The following PTPRD variants were observed in gnomAD, a reference collection of about 807,000 sequenced individuals.
PTPRD encodes protein tyrosine phosphatase receptor type D.
PTPRD carries 34 observed loss-of-function variants against 214.5 expected under a neutral mutation model. The observed-to-expected ratio is 0.16, with a 90% confidence interval of 0.12 to 0.21. The LOEUF (loss-of-function observed/expected upper bound fraction) is 0.21. Ranked by LOEUF, PTPRD falls within the 10% of genes least tolerant of loss-of-function variation. PTPRD has a pLI of 1.00. For synonymous variants in PTPRD, 1,128 were observed against 845.7 expected (o/e 1.33, Z -5.79); for missense variants, 2,545 against 2,398.7 (o/e 1.06, Z -1.27).
chr9:9,868,798 A>T (rs574143844), intron 5 of PTPRD, among the ~76,000 whole-genome samples: 1 of 152,098 alleles, frequency 6.6e-6, no homozygotes, highest in African/African-American at 2.4e-5. Flanking sequence ...ACAATAAAGA[A>T]TTTGGCTGTT....
chr9:8,808,469 T>A (rs1487914147), intron 11 of PTPRD, among the ~76,000 whole-genome samples: 14 of 146,926 alleles, frequency 9.5e-5, no homozygotes, highest in African/African-American at 3.1e-4. Context: ...CACCTTTTTT[T>A]TTTTTTTTTT....
At chr9:9,584,520 G>C (rs947085728) in intron 7 of PTPRD, among the ~76,000 whole-genome samples, 20 of 151,728 alleles carry the variant, frequency 1.3e-4, no homozygotes, top group African/African-American at 4.6e-4. Context: ...TTTTGTACCT[G>C]CTTCTCTCTC....
chr9:8,361,543 G>T (rs1243937371), intron 39 of PTPRD, among the ~76,000 whole-genome samples: 1 of 152,148 alleles, frequency 6.6e-6, no homozygotes, highest in Non-Finnish European at 1.5e-5. Flanking sequence ...AGTCGAGAAA[G>T]CAGTAATAAA....
chr9:10,452,753 A>G (rs1204514958), intron 2 of PTPRD, among the ~76,000 whole-genome samples: 1 of 151,720 alleles, frequency 6.6e-6, no homozygotes, highest in African/African-American at 2.4e-5. Flanking sequence ...ATGGTTTGCA[A>G]TTATTTTTTC....
chr9:10,489,982 T>G (rs1016643217), intron 2 of PTPRD, among the ~76,000 whole-genome samples: 1 of 152,196 alleles, frequency 6.6e-6, no homozygotes, highest in Admixed American at 6.5e-5. Context: ...CACTTGATTT[T>G]TGGTTCTTAT....
At chr9:9,970,031 G>C (rs983818098) in intron 4 of PTPRD, among the ~76,000 whole-genome samples, 7 of 152,182 alleles carry the variant, frequency 4.6e-5, no homozygotes, top group African/African-American at 1.7e-4. Context: ...TGGGTACATG[G>C]GGACAGTGGC....
At chr9:9,257,578 G>C (rs1021343127) in intron 9 of PTPRD, among the ~76,000 whole-genome samples, 7 of 151,948 alleles carry the variant, frequency 4.6e-5, no homozygotes, top group Non-Finnish European at 1.0e-4. Flanking sequence ...GTTTGCTTGA[G>C]TCCAGGGGCT....
intron 7 of PTPRD, among the ~76,000 whole-genome samples, chr9:9,583,405 T>C (rs541042093): frequency 2.6e-5 from 4 of 152,054 alleles, no homozygotes; most frequent in South Asian, 4.1e-4. Flanking sequence ...ATTGAAAAGA[T>C]TGACAACAAT....
At chr9:10,025,813 ACT>A (rs1186348062) in intron 4 of PTPRD, among the ~76,000 whole-genome samples, 1 of 152,166 alleles carries the variant, frequency 6.6e-6, no homozygotes, top group African/African-American at 2.4e-5. Flanking sequence ...AGATTGAAAG[ACT>A]CTGAGGAAAC....
intron 3 of PTPRD, among the ~76,000 whole-genome samples, chr9:10,250,829 T>A (rs1353168847): frequency 1.3e-5 from 2 of 151,828 alleles, no homozygotes; most frequent in Non-Finnish European, 2.9e-5. Flanking sequence ...TAAGTATACA[T>A]ATTTATATGT....
intron 5 of PTPRD, among the ~76,000 whole-genome samples, chr9:9,926,872 G>A (rs1024628894): frequency 6.6e-6 from 1 of 152,076 alleles, no homozygotes; most frequent in Non-Finnish European, 1.5e-5. Flanking sequence ...TCATAAATTG[G>A]AATTGTATTT....
chr9:9,299,286 C>T (rs1595404807), intron 9 of PTPRD, among the ~76,000 whole-genome samples: 1 of 151,658 alleles, frequency 6.6e-6, no homozygotes, highest in South Asian at 2.1e-4. Context: ...TGGTTATCAA[C>T]CAAAGGGTGA....
intron 12 of PTPRD, among the ~76,000 whole-genome samples, chr9:8,658,880 C>A (rs1366134684): frequency 2.0e-5 from 3 of 152,096 alleles, no homozygotes; most frequent in African/African-American, 7.2e-5. Flanking sequence ...TAAATAAATA[C>A]AATTGCAATG....
At chr9:9,017,824 A>T (rs1483679181) in intron 11 of PTPRD, among the ~76,000 whole-genome samples, 2 of 152,142 alleles carry the variant, frequency 1.3e-5, no homozygotes, top group African/African-American at 2.4e-5. Context: ...CAAATAAGTG[A>T]AAAAGCAAAA....
chr9:9,258,431 TA>T (rs5896313), intron 9 of PTPRD, among the ~76,000 whole-genome samples: 19,171 of 145,364 alleles, frequency 0.13, 1,435 homozygotes, highest in East Asian at 0.31. Flanking sequence ...TTCTATTAAA[TA>T]AAAAAAAAAA....
At chr9:10,549,146 T>C (rs772233318) in intron 2 of PTPRD, among the ~76,000 whole-genome samples, 1 of 152,194 alleles carries the variant, frequency 6.6e-6, no homozygotes, top group Non-Finnish European at 1.5e-5. Context: ...GATTATAGAA[T>C]AATTGTTCTG....
At chr9:9,991,001 C>T (rs1296325749) in intron 4 of PTPRD, among the ~76,000 whole-genome samples, 2 of 148,646 alleles carry the variant, frequency 1.3e-5, no homozygotes, top group Non-Finnish European at 3.0e-5. Context: ...GTGGCGTGAT[C>T]TCGGCTCACA....
At chr9:10,596,496 T>C (rs947572999) in intron 2 of PTPRD, among the ~76,000 whole-genome samples, 12 of 151,686 alleles carry the variant, frequency 7.9e-5, no homozygotes, top group African/African-American at 2.7e-4. Context: ...CAATAACTAA[T>C]TGTAAAGGCA....
At chr9:9,195,333 T>C (rs2099937900) in intron 9 of PTPRD, among the ~76,000 whole-genome samples, 1 of 152,038 alleles carries the variant, frequency 6.6e-6, no homozygotes, top group African/African-American at 2.4e-5. Context: ...AATATTCTGT[T>C]TGTGAAATAC....
Sources: allele counts gnomAD v4.1 joint callset (sites outside exome capture counted in the v4.1 genomes callset), GRCh38; gene constraint gnomAD v4.1.1; transcripts MANE v1.5; gene names NCBI Gene and HGNC (gene_info 2026-07-23, HGNC 2026-07-21).